The following HTR1E variants were observed in gnomAD, a reference collection of about 807,000 sequenced individuals.
The protein encoded by HTR1E is 5-HT-1E.
HTR1E carries 3 observed loss-of-function variants against 3.4 expected under a neutral mutation model. That is an observed-to-expected ratio of 0.89 (90% CI 0.41 to 2.31). HTR1E has a LOEUF of 2.31. HTR1E is among the 30% of genes most tolerant of loss of function. The probability of loss-of-function intolerance (pLI) is 0.05; values close to 1 mark genes in which losing one functional copy is unlikely to be tolerated. For missense variants in HTR1E, 392 were observed against 467.0 expected, an observed-to-expected ratio of 0.84 and a Z score of 1.48; for synonymous variants, 170 against 182.8, an observed-to-expected ratio of 0.93 and a Z score of 0.56.
At chr6:87,013,885 T>G (rs191993594) in intron 1 of HTR1E, among the ~76,000 whole-genome samples, 28 of 151,978 alleles carry the variant, frequency 1.8e-4, no homozygotes, top group Admixed American at 1.4e-3. Flanking sequence ...AACAAACATA[T>G]GAAAAAAAGC....
chr6:87,004,615 G>A (rs1427701370), intron 1 of HTR1E, among the ~76,000 whole-genome samples: 2 of 152,026 alleles, frequency 1.3e-5, no homozygotes, highest in African/African-American at 2.4e-5. Context: ...AAAGCCACAT[G>A]ACAGACCCAC....
intron 1 of HTR1E, among the ~76,000 whole-genome samples, chr6:86,963,883 T>C (rs1767440196): frequency 6.6e-6 from 1 of 152,216 alleles, no homozygotes; most frequent in African/African-American, 2.4e-5. Flanking sequence ...TGTTAAGCAA[T>C]GCAGGACTAT....
At chr6:86,978,411 G>T (rs1238731585) in intron 1 of HTR1E, among the ~76,000 whole-genome samples, 1 of 152,106 alleles carries the variant, frequency 6.6e-6, no homozygotes, top group Admixed American at 6.6e-5. Context: ...AAGAACATAC[G>T]TTACATCAGA....
intron 1 of HTR1E, among the ~76,000 whole-genome samples, chr6:86,938,262 C>G (rs1768498280): frequency 6.6e-6 from 1 of 152,134 alleles, no homozygotes; most frequent in African/African-American, 2.4e-5. Flanking sequence ...ATTAAAAAAC[C>G]TTTGATTAGA....
At chr6:86,983,309 A>G (rs1199429618) in intron 1 of HTR1E, among the ~76,000 whole-genome samples, 1 of 151,364 alleles carries the variant, frequency 6.6e-6, no homozygotes, top group Non-Finnish European at 1.5e-5. Context: ...AAACATACAT[A>G]TCACTATCAC....
intron 1 of HTR1E, among the ~76,000 whole-genome samples, chr6:86,967,141 A>T (rs1040915301): frequency 2.6e-5 from 4 of 152,196 alleles, no homozygotes; most frequent in Admixed American, 2.6e-4. Context: ...TTAAAATTAG[A>T]TTATTATTCC....
chr6:86,944,658 G>C (rs1768590024), intron 1 of HTR1E, among the ~76,000 whole-genome samples: 1 of 152,168 alleles, frequency 6.6e-6, no homozygotes, highest in Non-Finnish European at 1.5e-5. Context: ...TCTCATGAAA[G>C]TGATGATAAT....
intron 1 of HTR1E, among the ~76,000 whole-genome samples, chr6:86,953,961 C>G (rs1396747623): frequency 1.3e-5 from 2 of 152,054 alleles, no homozygotes; most frequent in Non-Finnish European, 2.9e-5. Context: ...TCACTCACTA[C>G]CATGAGAACA....
chr6:86,999,545 G>C (rs1015813339), intron 1 of HTR1E, among the ~76,000 whole-genome samples: 1 of 152,118 alleles, frequency 6.6e-6, no homozygotes, highest in East Asian at 1.9e-4. Flanking sequence ...GCCACAAAAA[G>C]CACCTTAGAA....
chr6:86,996,568 C>G (rs1023735475), intron 1 of HTR1E, among the ~76,000 whole-genome samples: 1 of 151,802 alleles, frequency 6.6e-6, no homozygotes, highest in African/African-American at 2.4e-5. Context: ...AGTAATGAAT[C>G]AGGGAATATC....
chr6:86,975,522 G>GCCAGGC (rs1562065383), intron 1 of HTR1E, among the ~76,000 whole-genome samples: 1 of 151,842 alleles, frequency 6.6e-6, no homozygotes, highest in Non-Finnish European at 1.5e-5. Context: ...AAAATTCCAT[G>GCCAGGC]CCAGGCCACC....
chr6:86,981,089 C>T (rs377634455), intron 1 of HTR1E, among the ~76,000 whole-genome samples: 193 of 152,252 alleles, frequency 1.3e-3, no homozygotes, highest in African/African-American at 4.5e-3. Flanking sequence ...TTGGCAAGTC[C>T]CTCACCCCTC....
intron 1 of HTR1E, chr6:87,000,407 A>G (rs1382586456): frequency 3.9e-5 from 6 of 152,228 alleles, no homozygotes; most frequent in African/African-American, 1.4e-4. Context: ...AGACGATTAA[A>G]CACCAAGCAG....
At chr6:86,995,260 G>C (rs1767919375) in intron 1 of HTR1E, among the ~76,000 whole-genome samples, 1 of 150,756 alleles carries the variant, frequency 6.6e-6, no homozygotes, top group Non-Finnish European at 1.5e-5. Flanking sequence ...AGACCAGTCT[G>C]GGCAACATAG....
intron 1 of HTR1E, among the ~76,000 whole-genome samples, chr6:86,972,161 T>A (rs1767567120): frequency 6.6e-6 from 1 of 152,234 alleles, no homozygotes; most frequent in African/African-American, 2.4e-5. Flanking sequence ...ACTTGAATAT[T>A]CTCATGTTTC....
At chr6:86,998,300 T>C (rs1243075690) in intron 1 of HTR1E, among the ~76,000 whole-genome samples, 1 of 152,072 alleles carries the variant, frequency 6.6e-6, no homozygotes, top group Non-Finnish European at 1.5e-5. Context: ...AACATAAGCA[T>C]AATATCACCA....
At chr6:86,953,122 T>C (rs1169647515) in intron 1 of HTR1E, among the ~76,000 whole-genome samples, 2 of 152,196 alleles carry the variant, frequency 1.3e-5, no homozygotes, top group Non-Finnish European at 2.9e-5. Context: ...TCTCTATTGA[T>C]GCAATTTCTC....
Position 87,015,949 on chromosome 6 carries a change from T to A in HTR1E, c.615T>A (p.Ile205=). 3 of 1,614,128 alleles carry A rather than the reference T, an allele frequency of 1.9e-6. No individual in the cohort carries two copies. The highest frequency in any genetic ancestry group is 2.5e-6 in the Non-Finnish European group (3 of 1,179,998). The change falls in exon 2 of 2, where the codon ATT becomes ATA. Residue 205 remains isoleucine (I), a synonymous_variant. Transcript: ENST00000305344. ...TGATACTGATTCTCTATTACCGGAT[T>A]TACCACGCGGCCAAGAGCCTTTACC... The part of the protein sequence containing the change: ...LTLILILYYR[I]YHAAKSLYQK...
intron 1 of HTR1E, among the ~76,000 whole-genome samples, chr6:86,942,554 T>G (rs1396613503): frequency 6.6e-6 from 1 of 152,222 alleles, no homozygotes; most frequent in Non-Finnish European, 1.5e-5. Context: ...CATTTTAACT[T>G]TCTTACCATT....
Sources: gnomAD v4.1 joint callset for allele counts (sites outside exome capture counted in the v4.1 genomes callset) on GRCh38, gnomAD v4.1.1 for gene constraint, MANE v1.5 for transcripts, NCBI Gene and HGNC (gene_info 2026-07-23, HGNC 2026-07-21) for gene names.